The following SLC25A21 variants were observed in gnomAD, a reference collection of about 807,000 sequenced individuals.
SLC25A21 encodes the protein mitochondrial 2-oxodicarboxylate carrier.
A neutral mutation model predicts 43.8 loss-of-function variants in SLC25A21; 47 were observed. The observed-to-expected ratio is 1.07, with a 90% CI of 0.85 to 1.37. SLC25A21 has a LOEUF of 1.37. Among genes scored for constraint, SLC25A21 ranks in the 40% most tolerant of loss-of-function variants. The pLI is 0.00. For missense variants in SLC25A21, 352 were observed against 350.2 expected (o/e 1.00, Z -0.04); for synonymous variants, 131 against 121.3 (o/e 1.08, Z -0.52).
intron 1 of SLC25A21, among the ~76,000 whole-genome samples, chr14:37,160,553 A>G (rs1029450090): frequency 2.0e-5 from 3 of 152,128 alleles, no homozygotes; most frequent in Admixed American, 1.3e-4. Context: ...AATAGATAAC[A>G]GAGGCTGGGA....
chr14:37,048,882 T>C (rs1330441002), intron 1 of SLC25A21, among the ~76,000 whole-genome samples: 1 of 152,122 alleles, frequency 6.6e-6, no homozygotes, highest in Non-Finnish European at 1.5e-5. Flanking sequence ...AGACTTTTAG[T>C]TTTGCCAAAG....
intron 1 of SLC25A21, among the ~76,000 whole-genome samples, chr14:36,893,670 G>C (rs146570764): frequency 5.8e-4 from 89 of 152,242 alleles, no homozygotes; most frequent in Non-Finnish European, 1.0e-3. Context: ...GGTTTTTATG[G>C]TTTTAGGTCT....
Position 36,935,736 on chromosome 14 carries a change from C to T in SLC25A21, c.71-60732G>A, listed in dbSNP as rs900872206. On this transcript the variant is annotated intron_variant, in intron 1 of 9. Transcript: ENST00000331299. Reference sequence around the variant, plus strand: ...GGGATGGGCATCTTTCAAGTACTATCGTGACAATTGTTGTTTATATCTAAT... The same window carrying T: ...GGGATGGGCATCTTTCAAGTACTATTGTGACAATTGTTGTTTATATCTAAT... Among the ~76,000 whole-genome samples the T allele has an allele frequency of 3.3e-5, 5 of 152,118 alleles. No individual in the cohort carries two copies. In the South Asian group the frequency reaches 6.2e-4, roughly 19 times the overall value.
At chr14:36,845,730 C>A (rs1425058041) in intron 2 of SLC25A21, among the ~76,000 whole-genome samples, 3 of 152,182 alleles carry the variant, frequency 2.0e-5, no homozygotes, top group African/African-American at 7.2e-5. Flanking sequence ...TCCATCTGTT[C>A]TTTTAAAACA....
In SLC25A21 at chr14:36,956,983, T is replaced by C. The variant is rs1484370224; in HGVS notation, c.71-81979A>G. ...ACAGAAATGAATAAAACCAGAGCTT[T>C]TCGTCCAAATGCATATTGTTTTTCA... On this transcript the variant is annotated intron_variant, in intron 1 of 9. Coordinates refer to ENST00000331299, the MANE Select transcript of SLC25A21 (RefSeq NM_030631.4). 5.9e-5 allele frequency among the ~76,000 whole-genome samples: 9 copies of C among 152,314 alleles called. No individual in the cohort carries two copies. The East Asian group carries it at 1.7e-3, about 29-fold the overall frequency.
intron 1 of SLC25A21, among the ~76,000 whole-genome samples, chr14:36,969,163 A>T (rs1959689293): frequency 6.6e-6 from 1 of 152,178 alleles, no homozygotes; most frequent in Admixed American, 6.5e-5. Context: ...TATAATTCTT[A>T]TGTACAAAAC....
Position 36,765,885 on chromosome 14 carries a change from C to T in SLC25A21, c.204-31312G>A, listed in dbSNP as rs74044968. Among the ~76,000 whole-genome samples the T allele has an allele frequency of 9.8e-3, 1,499 of 152,270 alleles. 25 individuals are homozygous for T. The highest frequency in any genetic ancestry group is 0.034 in the African/African-American group (1,394 of 41,540). On this transcript the variant is annotated intron_variant, in intron 3 of 9. Coordinates refer to ENST00000331299, the MANE Select transcript of SLC25A21 (RefSeq NM_030631.4). ...GGTATATCCTGAGTACAGGTTCCTA[C>T]CTATCTGGACTGCCCACTGATACCT...
At chr14:37,080,753 C>T (rs1962371180) in intron 1 of SLC25A21, among the ~76,000 whole-genome samples, 1 of 152,142 alleles carries the variant, frequency 6.6e-6, no homozygotes, top group Admixed American at 6.5e-5. Context: ...GTGACTGGCT[C>T]ATTCAACACA....
intron 1 of SLC25A21, among the ~76,000 whole-genome samples, chr14:36,941,347 T>C (rs904888439): frequency 7.9e-5 from 12 of 152,150 alleles, no homozygotes; most frequent in African/African-American, 2.2e-4. Flanking sequence ...CAAAATTGTA[T>C]AGAGAGTATT....
At chr14:36,722,100 T>C (rs988762703) in intron 6 of SLC25A21, among the ~76,000 whole-genome samples, 2 of 152,186 alleles carry the variant, frequency 1.3e-5, no homozygotes, top group Non-Finnish European at 2.9e-5. Context: ...CACGTGGCCA[T>C]TGAGCACCTG....
In SLC25A21 at chr14:36,701,915, G is replaced by C. The variant is rs1240805349; in HGVS notation, c.603+9403C>G. Among the ~76,000 whole-genome samples the C allele has an allele frequency of 2.0e-5, 3 of 152,080 alleles. No homozygotes were observed. The East Asian group carries it at 5.8e-4, about 29-fold the overall frequency. On this transcript the variant is annotated intron_variant, in intron 7 of 9. Transcript: ENST00000331299. ...ACTCTAGAGATTGAGAAACCAGAGGGAGCACACTGAGATGCTTCAACATGG... is the reference window on the plus strand; with the variant it reads ...ACTCTAGAGATTGAGAAACCAGAGGCAGCACACTGAGATGCTTCAACATGG...
intron 1 of SLC25A21, among the ~76,000 whole-genome samples, chr14:36,978,189 A>G (rs1959926199): frequency 6.6e-6 from 1 of 152,188 alleles, no homozygotes; most frequent in African/African-American, 2.4e-5. Context: ...ATTCTAAGGC[A>G]GCAATTTTGA....
intron 1 of SLC25A21, among the ~76,000 whole-genome samples, chr14:36,963,308 T>A (rs1959539326): frequency 6.6e-6 from 1 of 152,184 alleles, no homozygotes; most frequent in Non-Finnish European, 1.5e-5. Context: ...AAATGCTGCT[T>A]AGATCATGTG....
chr14:37,001,761 A>T (rs575351194), intron 1 of SLC25A21, among the ~76,000 whole-genome samples: 1 of 152,294 alleles, frequency 6.6e-6, no homozygotes, highest in East Asian at 1.9e-4. Flanking sequence ...ACAAACAAAT[A>T]ATTTCAAGAT....
intron 1 of SLC25A21, among the ~76,000 whole-genome samples, chr14:36,943,300 T>C (rs1159566961): frequency 6.6e-6 from 1 of 152,160 alleles, no homozygotes; most frequent in Non-Finnish European, 1.5e-5. Flanking sequence ...CAAGTGATTC[T>C]CCTGCCTCAG....
Position 37,160,661 on chromosome 14 carries a change from G to A in SLC25A21, c.70+11620C>T, listed in dbSNP as rs544101713. Among the ~76,000 whole-genome samples, 4 of 152,158 alleles carry A rather than the reference G, an allele frequency of 2.6e-5. No individual in the cohort carries two copies. In the South Asian group the frequency reaches 6.2e-4, roughly 24 times the overall value. On this transcript the variant is annotated intron_variant, in intron 1 of 9. Coordinates refer to ENST00000331299, the MANE Select transcript of SLC25A21 (RefSeq NM_030631.4). ...GAAATAAATTCAGGCCAGGTGCGGT[G>A]GCTCACGCCTGTAACCCCAGCACTT...
chr14:36,981,343 T>A (rs942120367), intron 1 of SLC25A21, among the ~76,000 whole-genome samples: 1 of 152,216 alleles, frequency 6.6e-6, no homozygotes, highest in African/African-American at 2.4e-5. Flanking sequence ...ACTTGGTCTA[T>A]ACCCAGAGGA....
chr14:37,114,237 C>T (rs1193072172), intron 1 of SLC25A21, among the ~76,000 whole-genome samples: 1 of 152,138 alleles, frequency 6.6e-6, no homozygotes, highest in East Asian at 1.9e-4. Flanking sequence ...TAGATGTAAT[C>T]AACCACCCTC....
chr14:37,050,918 A>C (rs999123060), intron 1 of SLC25A21, among the ~76,000 whole-genome samples: 1 of 152,228 alleles, frequency 6.6e-6, no homozygotes, highest in East Asian at 1.9e-4. Context: ...TTCAAAGTAC[A>C]TTGATTTCAT....
Sources: allele counts gnomAD v4.1 joint callset (sites outside exome capture counted in the v4.1 genomes callset), GRCh38; gene constraint gnomAD v4.1.1; transcripts MANE v1.5; gene names NCBI Gene and HGNC (gene_info 2026-07-23, HGNC 2026-07-21).